PIP4K2A: variants seen among roughly 807,000 people sequenced by gnomAD.
The protein encoded by PIP4K2A is phosphatidylinositol 5-phosphate 4-kinase type-2 alpha.
PIP4K2A carries 14 observed loss-of-function variants against 42.9 expected under a neutral mutation model. The observed-to-expected ratio is 0.33, with a 90% confidence interval of 0.22 to 0.51. The LOEUF is 0.51. PIP4K2A is among the 20% of genes least tolerant of loss of function. The probability of loss-of-function intolerance (pLI) is 0.97; values close to 1 mark genes in which losing one functional copy is unlikely to be tolerated. For missense variants in PIP4K2A, 434 were observed against 519.8 expected (o/e 0.83, Z 1.61); for synonymous variants, 192 against 192.2 (o/e 1.00, Z 0.01).
At chr10:22,677,313 G>A (rs918998504) in intron 1 of PIP4K2A, among the ~76,000 whole-genome samples, 10 of 152,146 alleles carry the variant, frequency 6.6e-5, no homozygotes, top group Non-Finnish European at 8.8e-5. Flanking sequence ...TAATGGGCAC[G>A]CCAAATAATT....
intron 3 of PIP4K2A, among the ~76,000 whole-genome samples, chr10:22,603,766 C>A (rs552753232): frequency 1.3e-5 from 2 of 152,118 alleles, no homozygotes; most frequent in Admixed American, 1.3e-4. Context: ...ATGGTAGACA[C>A]AGGACTGCGG....
In PIP4K2A at chr10:22,544,578, C is replaced by A. The variant is rs186841212; in HGVS notation, c.793-2531G>T. Among the ~76,000 whole-genome samples the A allele has an allele frequency of 7.1e-3, 1,088 of 152,306 alleles. 6 individuals are homozygous for A. The highest frequency in any genetic ancestry group is 0.015 in the South Asian group (73 of 4,830). ...GGAAAAGGCCCCCCTTCTGCCCACACCTGCTCCCTCTGGGTGCTTGGAAGG... is the reference window on the plus strand; with the variant it reads ...GGAAAAGGCCCCCCTTCTGCCCACAACTGCTCCCTCTGGGTGCTTGGAAGG... On this transcript the variant is annotated intron_variant, in intron 7 of 9. Coordinates refer to ENST00000376573, the MANE Select transcript of PIP4K2A (RefSeq NM_005028.5).
At chr10:22,551,745 T>C (rs976110174) in intron 6 of PIP4K2A, among the ~76,000 whole-genome samples, 2 of 152,196 alleles carry the variant, frequency 1.3e-5, no homozygotes, top group Non-Finnish European at 1.5e-5. Flanking sequence ...AATGGTCCTC[T>C]TTTCTGTAGG....
intron 1 of PIP4K2A, among the ~76,000 whole-genome samples, chr10:22,614,089 C>T (rs985711502): frequency 1.3e-5 from 2 of 152,154 alleles, no homozygotes; most frequent in Non-Finnish European, 2.9e-5. Flanking sequence ...AGGAGTGCAG[C>T]CCTACATGGC....
At chr10:22,664,224 TATATAC>T (rs1197959859) in intron 1 of PIP4K2A, among the ~76,000 whole-genome samples, 2 of 52,746 alleles carry the variant, frequency 3.8e-5, no homozygotes, top group South Asian at 6.8e-4. Context: ...TATACATATA[TATATAC>T]ACACACACAC....
At chr10:22,643,294 C>A (rs1838816647) in intron 1 of PIP4K2A, among the ~76,000 whole-genome samples, 1 of 152,196 alleles carries the variant, frequency 6.6e-6, no homozygotes, top group African/African-American at 2.4e-5. Context: ...TTTATTGGAA[C>A]AGAGCCAGGC....
chr10:22,643,469 C>T (rs1015281976), intron 1 of PIP4K2A, among the ~76,000 whole-genome samples: 5 of 152,072 alleles, frequency 3.3e-5, no homozygotes, highest in African/African-American at 1.2e-4. Context: ...TTAATCCCAC[C>T]AGGCCTTCCA....
At chr10:22,667,750 G>GA (rs1839375213) in intron 1 of PIP4K2A, among the ~76,000 whole-genome samples, 1 of 152,018 alleles carries the variant, frequency 6.6e-6, no homozygotes, top group East Asian at 1.9e-4. Flanking sequence ...AGAGGATTTT[G>GA]AAAAAAACTT....
chr10:22,581,010 G>A (rs1315171094), intron 4 of PIP4K2A, among the ~76,000 whole-genome samples: 1 of 152,226 alleles, frequency 6.6e-6, no homozygotes, highest in Non-Finnish European at 1.5e-5. Flanking sequence ...ACCAAACACT[G>A]AACAATGCTG....
chr10:22,552,253 G>A (rs1311920042), intron 6 of PIP4K2A, among the ~76,000 whole-genome samples: 1 of 152,036 alleles, frequency 6.6e-6, no homozygotes, highest in Non-Finnish European at 1.5e-5. Context: ...AAAGCACGTA[G>A]GTAGAAAATA....
At chr10:22,702,661 A>G (rs7084115) in intron 1 of PIP4K2A, among the ~76,000 whole-genome samples, 65,607 of 151,994 alleles carry the variant, frequency 0.43, 16,175 homozygotes, top group African/African-American at 0.67. Flanking sequence ...ACTCTCTAAC[A>G]CACTGCACAA....
intron 1 of PIP4K2A, among the ~76,000 whole-genome samples, chr10:22,685,250 C>T (rs780654483): frequency 2.6e-5 from 4 of 152,082 alleles, no homozygotes; most frequent in Non-Finnish European, 5.9e-5. Flanking sequence ...TACTCTTCAA[C>T]TGATTTTATT....
chr10:22,687,687 C>T (rs1320044555), intron 1 of PIP4K2A, among the ~76,000 whole-genome samples: 3 of 152,092 alleles, frequency 2.0e-5, no homozygotes, highest in Non-Finnish European at 4.4e-5. Context: ...TACAAAATGA[C>T]GCAGCTTTGC....
chr10:22,572,803 A>C (rs1837021479), intron 5 of PIP4K2A, among the ~76,000 whole-genome samples: 1 of 152,100 alleles, frequency 6.6e-6, no homozygotes, highest in African/African-American at 2.4e-5. Context: ...CTGTACTTAC[A>C]GTTCCCTCTG....
rs749177271 is a variant in PIP4K2A at position 22,541,844 on chromosome 10, G to A, written c.996C>T (p.Phe332=). The A allele has an allele frequency of 2.7e-5, 42 of 1,584,832 alleles. No individual in the cohort carries two copies. Among genetic ancestry groups the A allele is most frequent in the East Asian group, 4.5e-5 (2 of 44,582 alleles). The change falls in exon 8 of 10, where the codon TTC becomes TTT. Residue 332 remains phenylalanine, a synonymous_variant. Transcript: ENST00000376573. ...NSSPPLAPGE[F]DPNIDVYGIK... ...TTCCATAGACGTCGATGTTCGGATC[G>A]AACTCCCCGGGAGCCAGGGGTGGTG...
intron 1 of PIP4K2A, among the ~76,000 whole-genome samples, chr10:22,623,469 T>G (rs1243673719): frequency 6.6e-6 from 1 of 152,162 alleles, no homozygotes; most frequent in East Asian, 1.9e-4. Context: ...ACAGCAGAGC[T>G]TCTCTATGTA....
At chr10:22,651,589 C>T (rs545826141) in intron 1 of PIP4K2A, among the ~76,000 whole-genome samples, 1 of 152,352 alleles carries the variant, frequency 6.6e-6, no homozygotes, top group East Asian at 1.9e-4. Flanking sequence ...CACACCACCT[C>T]CACTTTAGAC....
chr10:22,604,760 T>C (rs977671921), intron 3 of PIP4K2A, among the ~76,000 whole-genome samples: 7 of 152,142 alleles, frequency 4.6e-5, no homozygotes, highest in African/African-American at 9.7e-5. Context: ...CAAAGGCACA[T>C]TGGCAAGCTC....
chr10:22,648,857 A>T (rs1015489430), intron 1 of PIP4K2A, among the ~76,000 whole-genome samples: 3 of 152,242 alleles, frequency 2.0e-5, no homozygotes, highest in Non-Finnish European at 1.5e-5. Flanking sequence ...CATTCCTGAA[A>T]CAGAAAGCAA....
Sources: gnomAD v4.1 joint callset for allele counts (sites outside exome capture counted in the v4.1 genomes callset) on GRCh38, gnomAD v4.1.1 for gene constraint, MANE v1.5 for transcripts, NCBI Gene and HGNC (gene_info 2026-07-23, HGNC 2026-07-21) for gene names.